SLC14A2: variants seen among roughly 807,000 people sequenced by gnomAD.
SLC14A2 encodes the protein solute carrier family 14 member 2, also known as urea transporter 2.
SLC14A2 carries 91 observed loss-of-function variants against 104.6 expected under a neutral mutation model. The observed-to-expected ratio is 0.87, with a 90% confidence interval of 0.73 to 1.04. The LOEUF (loss-of-function observed/expected upper bound fraction) is 1.04, where lower values mean the gene tolerates loss of function less well. Among genes scored for constraint, SLC14A2 ranks in the 50% least tolerant of loss-of-function variants. The pLI is 0.00. For missense variants in SLC14A2, 1,189 were observed against 1,156.0 expected (o/e 1.03, Z -0.41); for synonymous variants, 476 against 466.4 (o/e 1.02, Z -0.27).
At chr18:45,522,115 A>G (rs1408218371) in intron 2 of SLC14A2, among the ~76,000 whole-genome samples, 2 of 152,178 alleles carry the variant, frequency 1.3e-5, no homozygotes, top group Admixed American at 6.5e-5. Context: ...TGCACATCAT[A>G]TCAGTGGAGA....
chr18:45,224,789 C>A (rs2084097547), intron 1 of SLC14A2, among the ~76,000 whole-genome samples: 1 of 152,184 alleles, frequency 6.6e-6, no homozygotes, highest in African/African-American at 2.4e-5. Flanking sequence ...GGATTCAAAC[C>A]TGACTGGCTT....
chr18:45,328,709 A>G (rs2085260126), intron 1 of SLC14A2, among the ~76,000 whole-genome samples: 1 of 152,232 alleles, frequency 6.6e-6, no homozygotes. Flanking sequence ...TTAACACTAA[A>G]GATGGGAGCT....
intron 1 of SLC14A2, among the ~76,000 whole-genome samples, chr18:45,221,014 C>T (rs980252): frequency 0.12 from 18,194 of 152,200 alleles, 1,117 homozygotes; most frequent in African/African-American, 0.13. Context: ...GGGACCATCA[C>T]AAGAGTCTCA....
At chr18:45,398,583 G>A (rs1579271) in intron 1 of SLC14A2, among the ~76,000 whole-genome samples, 37,451 of 104,542 alleles carry the variant, frequency 0.36, 4,861 homozygotes, top group South Asian at 0.57. Flanking sequence ...AACAAATTGT[G>A]GTTATATACA....
chr18:45,215,153 G>T (rs2083998724), intron 1 of SLC14A2, among the ~76,000 whole-genome samples: 1 of 152,048 alleles, frequency 6.6e-6, no homozygotes, highest in Admixed American at 6.6e-5. Flanking sequence ...AAACCATTGT[G>T]CCAGGAAAAA....
upstream of SLC14A2, among the ~76,000 whole-genome samples, chr18:45,614,186 A>G (rs990908372): frequency 6.6e-6 from 1 of 152,166 alleles, no homozygotes; most frequent in Non-Finnish European, 1.5e-5. Context: ...GCCTCAACCC[A>G]TGGCGGCTTC....
intron 1 of SLC14A2, among the ~76,000 whole-genome samples, chr18:45,410,820 A>C (rs1238483954): frequency 6.6e-6 from 1 of 152,226 alleles, no homozygotes; most frequent in African/African-American, 2.4e-5. Flanking sequence ...GCATTGGCAG[A>C]CTTCCTCGCT....
At chr18:45,344,755 G>A (rs1484248201) in intron 1 of SLC14A2, among the ~76,000 whole-genome samples, 2 of 152,178 alleles carry the variant, frequency 1.3e-5, no homozygotes, top group Non-Finnish European at 2.9e-5. Context: ...AAAGTGGTGT[G>A]CGTCAGTGGC....
intron 1 of SLC14A2, among the ~76,000 whole-genome samples, chr18:45,454,633 T>A (rs1156599433): frequency 1.3e-5 from 2 of 152,230 alleles, no homozygotes; most frequent in Admixed American, 6.5e-5. Context: ...TTTTATGGTT[T>A]TAGGTCTTAC....
intron 2 of SLC14A2, among the ~76,000 whole-genome samples, chr18:45,520,333 C>T (rs893472282): frequency 1.3e-5 from 2 of 152,090 alleles, no homozygotes; most frequent in Non-Finnish European, 2.9e-5. Flanking sequence ...GAGTGTGCTA[C>T]ATGTGACTGT....
At chr18:45,267,779 A>G (rs117555415) in intron 1 of SLC14A2, among the ~76,000 whole-genome samples, 1,736 of 152,280 alleles carry the variant, frequency 0.011, 17 homozygotes, top group Non-Finnish European at 0.02. Context: ...AAACATCCTG[A>G]CACTGAGGAC....
intron 1 of SLC14A2, among the ~76,000 whole-genome samples, chr18:45,273,705 G>A (rs761530379): frequency 1.7e-4 from 26 of 152,128 alleles, no homozygotes; most frequent in Non-Finnish European, 3.1e-4. Context: ...GAGCTAGGAG[G>A]CAAGATGTAG....
chr18:45,372,461 G>A (rs574589547), intron 1 of SLC14A2, among the ~76,000 whole-genome samples: 101 of 152,312 alleles, frequency 6.6e-4, no homozygotes, highest in African/African-American at 2.2e-3. Flanking sequence ...TCAGACTGAG[G>A]ATGGCCCTTG....
intron 2 of SLC14A2, among the ~76,000 whole-genome samples, chr18:45,555,543 T>G (rs1468154009): frequency 6.6e-6 from 1 of 152,226 alleles, no homozygotes; most frequent in African/African-American, 2.4e-5. Flanking sequence ...CAACAGACTC[T>G]TCATGGCTGA....
chr18:45,505,843 C>T (rs144109090), intron 2 of SLC14A2, among the ~76,000 whole-genome samples: 344 of 152,318 alleles, frequency 2.3e-3, no homozygotes, highest in African/African-American at 7.8e-3. Context: ...CTAGCCTTGC[C>T]TCCTCTCTCA....
chr18:45,657,031 T>G (rs1328810638), intron 10 of SLC14A2, among the ~76,000 whole-genome samples: 1 of 152,208 alleles, frequency 6.6e-6, no homozygotes, highest in African/African-American at 2.4e-5. Context: ...CTTCATTCCA[T>G]GCATCTCTCA....
intron 2 of SLC14A2, among the ~76,000 whole-genome samples, chr18:45,577,689 T>A (rs2044434875): frequency 6.6e-6 from 1 of 152,152 alleles, no homozygotes; most frequent in East Asian, 1.9e-4. Context: ...GGGTTGAGAC[T>A]GAGAAGTTGT....
chr18:45,666,932 C>G lies in SLC14A2; in HGVS notation c.1558-3C>G. On this transcript the variant is annotated splice_region_variant and splice_polypyrimidine_tract_variant and intron_variant, in intron 12 of 19. Coordinates refer to ENST00000255226, the MANE Select transcript of SLC14A2 (RefSeq NM_007163.4). ...GACTCTTGCCTATCTCTGTCCTGGACAGGATCTGGACACCATGGAGGAGAG... is the reference window on the plus strand; with the variant it reads ...GACTCTTGCCTATCTCTGTCCTGGAGAGGATCTGGACACCATGGAGGAGAG... 1 of 1,613,360 alleles carries G rather than the reference C, an allele frequency of 6.2e-7. No individual in the cohort carries two copies. Among genetic ancestry groups the G allele is most frequent in the South Asian group, 1.1e-5 (1 of 91,024 alleles).
At chr18:45,174,735 G>T in the SLC14A2 span, among the ~76,000 whole-genome samples, 497 of 152,222 alleles carry the variant, frequency 3.3e-3, 3 homozygotes, top group African/African-American at 0.012. Flanking sequence ...ATTGGGCAGG[G>T]TAGCAGGGGA....
Sources: gnomAD v4.1 joint callset for allele counts (sites outside exome capture counted in the v4.1 genomes callset) on GRCh38, gnomAD v4.1.1 for gene constraint, MANE v1.5 for transcripts, NCBI Gene and HGNC (gene_info 2026-07-23, HGNC 2026-07-21) for gene names.